RAB38: variants seen among roughly 807,000 people sequenced by gnomAD.
RAB38 encodes ras-related protein Rab-38.
In RAB38, 15 loss-of-function variants were observed where a neutral mutation model predicts 18.4. That is an observed-to-expected ratio of 0.82 (90% CI 0.55 to 1.26). RAB38 has a LOEUF of 1.26. Among genes scored for constraint, RAB38 ranks in the 50% most tolerant of loss-of-function variants. The pLI, the probability that RAB38 is intolerant of heterozygous loss-of-function variation, is 0.00. For synonymous variants in RAB38, 101 were observed against 104.4 expected (o/e 0.97, Z 0.20); for missense variants, 294 against 267.4 (o/e 1.10, Z -0.69).
chr11:88,046,744 T>G, the RAB38 span, among the ~76,000 whole-genome samples: 1 of 152,230 alleles, frequency 6.6e-6, no homozygotes, highest in Non-Finnish European at 1.5e-5. Flanking sequence ...CTTTCAACTT[T>G]AGATACCTGG....
the RAB38 span, among the ~76,000 whole-genome samples, chr11:87,840,603 T>C: frequency 6.6e-6 from 1 of 152,202 alleles, no homozygotes; most frequent in African/African-American, 2.4e-5. Flanking sequence ...TGTTATACTT[T>C]AACCCAGTGA....
chr11:87,874,668 A>G, the RAB38 span, among the ~76,000 whole-genome samples: 1 of 149,872 alleles, frequency 6.7e-6, no homozygotes, highest in East Asian at 2.0e-4. Flanking sequence ...ATATAAAATA[A>G]TAAAATAAAA....
the RAB38 span, chr11:87,817,652 A>G: frequency 1.1e-4 from 16 of 152,136 alleles, no homozygotes; most frequent in African/African-American, 3.9e-4. Context: ...ATATTCCTCA[A>G]TTGGAAAAAC....
chr11:88,117,024 T>A (rs560177041), intron 2 of RAB38, among the ~76,000 whole-genome samples: 12 of 152,280 alleles, frequency 7.9e-5, no homozygotes, highest in Non-Finnish European at 1.5e-4. Flanking sequence ...TAACACTGTT[T>A]AAATTGTTTG....
the RAB38 span, among the ~76,000 whole-genome samples, chr11:88,067,660 A>T: frequency 6.6e-6 from 1 of 152,262 alleles, no homozygotes; most frequent in South Asian, 2.1e-4. Context: ...ATCAGAGTTC[A>T]CATGTTAGTC....
At chr11:88,015,756 G>A in the RAB38 span, among the ~76,000 whole-genome samples, 35 of 152,030 alleles carry the variant, frequency 2.3e-4, no homozygotes, top group Non-Finnish European at 4.4e-4. Flanking sequence ...CTCCTGGCTC[G>A]GTTAAAAAAA....
At chr11:87,902,182 T>G in the RAB38 span, among the ~76,000 whole-genome samples, 1 of 151,464 alleles carries the variant, frequency 6.6e-6, no homozygotes, top group African/African-American at 2.4e-5. Flanking sequence ...GAAACCCAAA[T>G]GCCAGTGTTT....
chr11:88,125,438 T>C (rs1216051130), intron 2 of RAB38, among the ~76,000 whole-genome samples: 5 of 152,334 alleles, frequency 3.3e-5, no homozygotes, highest in East Asian at 1.9e-4. Context: ...ATCTAACTGA[T>C]TGACATTCTC....
At chr11:87,921,354 A>G in the RAB38 span, among the ~76,000 whole-genome samples, 23 of 152,016 alleles carry the variant, frequency 1.5e-4, no homozygotes, top group East Asian at 1.6e-3. Context: ...GTAAACAGCC[A>G]ATACACTACA....
chr11:88,162,784 C>T (rs1022446292), intron 1 of RAB38, among the ~76,000 whole-genome samples: 1 of 152,048 alleles, frequency 6.6e-6, no homozygotes, highest in Admixed American at 6.6e-5. Flanking sequence ...CTTAGATCTA[C>T]AAGTTAAAGG....
chr11:87,804,402 C>T, the RAB38 span, among the ~76,000 whole-genome samples: 3 of 152,146 alleles, frequency 2.0e-5, no homozygotes, highest in African/African-American at 7.2e-5. Context: ...ACACTGACAC[C>T]TGCTGAGGTA....
the RAB38 span, among the ~76,000 whole-genome samples, chr11:87,966,389 A>T: frequency 2.1e-4 from 32 of 152,156 alleles, no homozygotes; most frequent in African/African-American, 7.5e-4. Flanking sequence ...AGGAGATGGA[A>T]ACACTGGGCT....
the RAB38 span, among the ~76,000 whole-genome samples, chr11:87,874,598 T>G: frequency 6.6e-6 from 1 of 151,058 alleles, no homozygotes; most frequent in South Asian, 2.1e-4. Context: ...TGTATACATA[T>G]GTAACAAACC....
At chr11:88,058,544 G>A in the RAB38 span, among the ~76,000 whole-genome samples, 4 of 152,176 alleles carry the variant, frequency 2.6e-5, no homozygotes, top group Non-Finnish European at 5.9e-5. Context: ...TCTCTAAGAA[G>A]TGAGGTTTAA....
At chr11:87,968,072 GTAT>G in the RAB38 span, among the ~76,000 whole-genome samples, 20 of 152,220 alleles carry the variant, frequency 1.3e-4, no homozygotes, top group Non-Finnish European at 2.2e-4. Context: ...CCTCTTGTTT[GTAT>G]TATTTGGCTT....
intron 2 of RAB38, among the ~76,000 whole-genome samples, chr11:88,132,952 C>T (rs771806116): frequency 4.6e-5 from 7 of 152,068 alleles, no homozygotes; most frequent in Non-Finnish European, 8.8e-5. Context: ...TTTTAGTTGA[C>T]CGTAAGTACA....
At chr11:87,835,008 G>T in the RAB38 span, among the ~76,000 whole-genome samples, 36 of 152,208 alleles carry the variant, frequency 2.4e-4, no homozygotes, top group Non-Finnish European at 3.5e-4. Context: ...TATGCAGTTT[G>T]TTCTCTTTCT....
the RAB38 span, among the ~76,000 whole-genome samples, chr11:87,936,035 C>A: frequency 6.6e-6 from 1 of 151,956 alleles, no homozygotes; most frequent in African/African-American, 2.4e-5. Context: ...TTTGAGAATT[C>A]TTTATTATAA....
chr11:88,126,573 G>A (rs1462590105), intron 2 of RAB38, among the ~76,000 whole-genome samples: 1 of 152,104 alleles, frequency 6.6e-6, no homozygotes, highest in African/African-American at 2.4e-5. Flanking sequence ...AGGGGGAAGG[G>A]ATAGCATTAG....
Sources: gnomAD v4.1 joint callset for allele counts (sites outside exome capture counted in the v4.1 genomes callset) on GRCh38, gnomAD v4.1.1 for gene constraint, MANE v1.5 for transcripts, NCBI Gene and HGNC (gene_info 2026-07-23, HGNC 2026-07-21) for gene names.